CASP8: variants seen among roughly 807,000 people sequenced by gnomAD.
CASP8 encodes caspase-8.
Under a neutral mutation model 46.3 loss-of-function variants are expected in CASP8, and 24 were observed. The observed-to-expected ratio is 0.52, with a 90% CI of 0.38 to 0.73. CASP8 has a LOEUF of 0.73. CASP8 is among the 30% of genes least tolerant of loss of function. CASP8 has a pLI of 0.00. For missense variants in CASP8, 460 were observed against 559.0 expected (o/e 0.82, Z 1.79); for synonymous variants, 188 against 200.4 (o/e 0.94, Z 0.52).
At chr2:201,234,558 T>TC (rs1945964698) in intron 2 of CASP8, among the ~76,000 whole-genome samples, 1 of 152,098 alleles carries the variant, frequency 6.6e-6, no homozygotes, top group Non-Finnish European at 1.5e-5. Flanking sequence ...CAGGTGATTC[T>TC]CGTGTCTCAG....
At chr2:201,260,886 T>C (rs1947340347) in intron 1 of CASP8, among the ~76,000 whole-genome samples, 1 of 152,202 alleles carries the variant, frequency 6.6e-6, no homozygotes, top group Non-Finnish European at 1.5e-5. Flanking sequence ...TGCTGCAAGT[T>C]TAACTACTTG....
upstream of CASP8, among the ~76,000 whole-genome samples, chr2:201,257,082 T>C (rs1234690372): frequency 6.6e-6 from 1 of 151,000 alleles, no homozygotes; most frequent in Non-Finnish European, 1.5e-5. Context: ...GAGGCGGAGG[T>C]TGCTGTGAGC....
chr2:201,258,381 G>A (rs2125048673), upstream of CASP8: 6 of 1,613,976 alleles, frequency 3.7e-6, no homozygotes, highest in South Asian at 4.4e-5. Context: ...AGGGTGGAGC[G>A]GGTGAGTGCC....
intron 2 of CASP8, among the ~76,000 whole-genome samples, chr2:201,234,513 G>C (rs1945961265): frequency 6.6e-6 from 1 of 151,826 alleles, no homozygotes; most frequent in Admixed American, 6.6e-5. Flanking sequence ...GCAGTGGCGC[G>C]ATCTCAGCTC....
At chr2:201,282,705 C>T (rs1949167138) in intron 7 of CASP8, among the ~76,000 whole-genome samples, 2 of 86,122 alleles carry the variant, frequency 2.3e-5, no homozygotes, top group Non-Finnish European at 5.6e-5. Flanking sequence ...GTTCCCCCCA[C>T]CTCCCTCCCG....
chr2:201,244,818 G>T (rs1023089434), intron 2 of CASP8, among the ~76,000 whole-genome samples: 1 of 152,158 alleles, frequency 6.6e-6, no homozygotes, highest in Non-Finnish European at 1.5e-5. Flanking sequence ...AATTGAAGGG[G>T]GTGGGGGGCC....
At chr2:201,278,578 C>G (rs913029083) in intron 7 of CASP8, among the ~76,000 whole-genome samples, 1 of 151,490 alleles carries the variant, frequency 6.6e-6, no homozygotes, top group African/African-American at 2.4e-5. Context: ...ACTCTGTTGC[C>G]CAGGCTGCAG....
chr2:201,286,665 G>A lies in CASP8; in HGVS notation c.*71G>A, dbSNP rs41309822. The A allele has an allele frequency of 9.1e-3, 12,354 of 1,357,754 alleles. 71 individuals carry two copies. Among genetic ancestry groups the A allele is most frequent in the Non-Finnish European group, 0.011 (10,905 of 970,792 alleles). 84.1% of individuals were successfully genotyped at this position (1,357,754 alleles called of 1,614,324 possible). ...GAATCTCGCTCTGTCGCCCAGGCTG[G>A]AGTGCAGTGGCGTGATCTCGGCTCA... On this transcript the variant is annotated 3_prime_UTR_variant, in exon 9 of 9. Transcript: ENST00000673742.
chr2:201,277,428 G>T (rs1056819223), intron 7 of CASP8, among the ~76,000 whole-genome samples: 1 of 152,224 alleles, frequency 6.6e-6, no homozygotes, highest in African/African-American at 2.4e-5. Flanking sequence ...CAATTCTTTT[G>T]CTCAGCCAAA....
At chr2:201,275,101 A>G in intron 6 of CASP8, 148 bp downstream of exon 6, 1 of 670,474 alleles carries the variant, frequency 1.5e-6, no homozygotes, top group East Asian at 2.7e-5. Flanking sequence ...AATTCACACA[A>G]AAAAAGTTAA....
chr2:201,251,841 T>C (rs1576239889), intron 2 of CASP8, among the ~76,000 whole-genome samples: 1 of 151,184 alleles, frequency 6.6e-6, no homozygotes, highest in African/African-American at 2.4e-5. Context: ...GCAGAGGCTG[T>C]AGTGAGCCAA....
Position 201,287,404 on chromosome 2 carries a change from A to T in CASP8, c.*810A>T, listed in dbSNP as rs1949608669. Reference sequence around the variant, plus strand: ...CAGAACAAGACCCCGTCTCAAAAAAAATTTTTTTTTTAATAAAACAAAATT... The same window carrying T: ...CAGAACAAGACCCCGTCTCAAAAAATATTTTTTTTTTAATAAAACAAAATT... On this transcript the variant is annotated 3_prime_UTR_variant, in exon 9 of 9. Transcript: ENST00000673742. 1 of 153,596 alleles carries T rather than the reference A, an allele frequency of 6.5e-6. No homozygotes were observed. The highest frequency in any genetic ancestry group is 2.4e-5 in the African/African-American group (1 of 41,474). 9.5% of individuals were successfully genotyped at this position (153,596 alleles called of 1,614,324 possible). A position where few individuals can be genotyped will look rare whatever the true frequency, so the allele number is the denominator to read the frequency against.
chr2:201,245,207 C>T (rs114569026), intron 2 of CASP8, among the ~76,000 whole-genome samples: 9 of 152,050 alleles, frequency 5.9e-5, no homozygotes, highest in Non-Finnish European at 8.8e-5. Context: ...ATTGTGTCAC[C>T]GATTGATTGA....
At chr2:201,249,142 C>G (rs528538674) in intron 2 of CASP8, among the ~76,000 whole-genome samples, 5 of 152,336 alleles carry the variant, frequency 3.3e-5, no homozygotes, top group Admixed American at 2.0e-4. Context: ...ATCCACCTGC[C>G]TTGGCCTCCC....
rs1034097843 is a variant in CASP8 at position 201,239,541 on chromosome 2, A to G, written c.-27+5429A>G. Among the ~76,000 whole-genome samples the G allele has an allele frequency of 5.9e-5, 9 of 152,344 alleles. No homozygotes were observed. In the South Asian group the frequency reaches 8.3e-4, roughly 14 times the overall value. ...ATTTGATTTTTACTTTTTGGTTAATAACAAACCTTTTAAGGAGTTACATAG... is the reference window on the plus strand; with the variant it reads ...ATTTGATTTTTACTTTTTGGTTAATGACAAACCTTTTAAGGAGTTACATAG... On this transcript the variant is annotated intron_variant, in intron 2 of 6. Coordinates refer to the CASP8 transcript ENST00000264274.
chr2:201,277,705 T>A, intron 7 of CASP8: 1 of 387,936 alleles, frequency 2.6e-6, no homozygotes, highest in Non-Finnish European at 5.2e-6. Context: ...TATTAACATT[T>A]TTTTTTTTTT....
At chr2:201,281,928 A>G in intron 7 of CASP8, 2 of 561,336 alleles carry the variant, frequency 3.6e-6, no homozygotes, top group Non-Finnish European at 4.7e-6. Flanking sequence ...TTTCTGGTTC[A>G]AATTCTTTTT....
rs1346291862 is a variant in CASP8 at position 201,286,452 on chromosome 2, A to G, written c.1305-7A>G. On this transcript the variant is annotated splice_polypyrimidine_tract_variant and splice_region_variant and intron_variant, in intron 8 of 8. Transcript: ENST00000673742. ...AGACAGTCACAATATTATGTGATGTATTTCAGAGGCGATGATATTCTCACC... is the reference window on the plus strand; with the variant it reads ...AGACAGTCACAATATTATGTGATGTGTTTCAGAGGCGATGATATTCTCACC... 2.5e-6 allele frequency: 4 copies of G among 1,611,874 alleles called. No homozygotes were observed. The highest frequency in any genetic ancestry group is 2.2e-5 in the East Asian group (1 of 44,884).
intron 6 of CASP8, among the ~76,000 whole-genome samples, chr2:201,276,593 T>C (rs565814049): frequency 6.6e-6 from 1 of 152,314 alleles, no homozygotes; most frequent in South Asian, 2.1e-4. Flanking sequence ...AATATTAATA[T>C]ATGTGCAAAG....
Sources: gnomAD v4.1 joint callset for allele counts (sites outside exome capture counted in the v4.1 genomes callset) on GRCh38, gnomAD v4.1.1 for gene constraint, MANE v1.5 for transcripts, NCBI Gene and HGNC (gene_info 2026-07-23, HGNC 2026-07-21) for gene names.